Variants in KLRG1 observed in about 807,000 individuals in gnomAD.
KLRG1 encodes the protein killer cell lectin-like receptor subfamily G member 1.
In KLRG1, 16 loss-of-function variants were observed where a neutral mutation model predicts 21.8. The observed-to-expected ratio is 0.73, with a 90% CI of 0.50 to 1.11. The LOEUF (loss-of-function observed/expected upper bound fraction) is 1.11. KLRG1 is among the 50% of genes most tolerant of loss of function. The pLI, the probability that KLRG1 is intolerant of heterozygous loss-of-function variation, is 0.00. For synonymous variants in KLRG1, 69 were observed against 75.9 expected (o/e 0.91, Z 0.47); for missense variants, 173 against 218.3 (o/e 0.79, Z 1.31).
At chr12:9,120,764 A>G in the KLRG1 span, among the ~76,000 whole-genome samples, 4 of 152,128 alleles carry the variant, frequency 2.6e-5, no homozygotes, top group African/African-American at 9.7e-5. Context: ...TATCTTGGGC[A>G]AAATCTGCAG....
At chr12:9,019,467 TC>T in the KLRG1 span, among the ~76,000 whole-genome samples, 1 of 152,188 alleles carries the variant, frequency 6.6e-6, no homozygotes, top group Non-Finnish European at 1.5e-5. Context: ...ATATCTGCAC[TC>T]CCATGTTTAT....
At chr12:9,202,182 AAATCTGT>A in the KLRG1 span, 1 of 758,416 alleles carries the variant, frequency 1.3e-6, no homozygotes, top group Non-Finnish European at 2.2e-6. Context: ...ATAAGACTGC[AAATCTGT>A]GCTGAGGCTG....
At chr12:8,990,712 G>A (rs116309620) in intron 1 of KLRG1, among the ~76,000 whole-genome samples, 324 of 152,080 alleles carry the variant, frequency 2.1e-3, no homozygotes, top group African/African-American at 7.1e-3. Context: ...GTGATAAATT[G>A]GAACCTAGTT....
the KLRG1 span, among the ~76,000 whole-genome samples, chr12:9,018,433 A>G: frequency 1.5e-4 from 23 of 152,224 alleles, no homozygotes; most frequent in Non-Finnish European, 3.4e-4. Context: ...ACAGATACAT[A>G]GACCAATGGA....
the KLRG1 span, chr12:9,089,778 A>G: frequency 8.2e-6 from 6 of 735,662 alleles, no homozygotes; most frequent in Middle Eastern, 4.9e-4. Flanking sequence ...AACAGAAAGT[A>G]AATCAAGAGA....
the KLRG1 span, among the ~76,000 whole-genome samples, chr12:9,041,406 G>A: frequency 6.6e-6 from 1 of 152,208 alleles, no homozygotes; most frequent in Non-Finnish European, 1.5e-5. Flanking sequence ...AACTGCACCT[G>A]TTTGACATGC....
the KLRG1 span, chr12:9,167,305 A>G: frequency 2.0e-5 from 3 of 152,326 alleles, no homozygotes; most frequent in South Asian, 2.1e-4. Flanking sequence ...CATTTAGTGG[A>G]CCATGGCTAT....
the KLRG1 span, among the ~76,000 whole-genome samples, chr12:9,189,650 T>G: frequency 1.3e-5 from 2 of 152,170 alleles, no homozygotes; most frequent in Non-Finnish European, 2.9e-5. Context: ...TGGGATCTAA[T>G]TAACCTAAAG....
the KLRG1 span, among the ~76,000 whole-genome samples, chr12:9,130,287 T>G: frequency 6.6e-6 from 1 of 152,302 alleles, no homozygotes; most frequent in African/African-American, 2.4e-5. Context: ...CAAGACCATG[T>G]TTTCAATTCT....
chr12:9,002,910 TACACACACAC>T (rs59706974), intron 3 of KLRG1, among the ~76,000 whole-genome samples: 30 of 144,718 alleles, frequency 2.1e-4, no homozygotes, highest in East Asian at 1.4e-3. Context: ...CTCTTTCTAA[TACACACACAC>T]ACACACACAC....
chr12:9,081,165 A>G, the KLRG1 span, among the ~76,000 whole-genome samples: 2 of 152,240 alleles, frequency 1.3e-5, no homozygotes, highest in African/African-American at 2.4e-5. Flanking sequence ...CAACTGAGTC[A>G]GAAAAAAACT....
the KLRG1 span, among the ~76,000 whole-genome samples, chr12:9,143,063 T>C: frequency 3.4e-4 from 52 of 152,340 alleles, no homozygotes; most frequent in African/African-American, 1.2e-3. Flanking sequence ...ACTCATAGCT[T>C]GGACATCGAT....
At chr12:9,024,420 A>T in the KLRG1 span, among the ~76,000 whole-genome samples, 8 of 152,242 alleles carry the variant, frequency 5.3e-5, no homozygotes, top group Non-Finnish European at 2.9e-5. Flanking sequence ...TAGTAAGTCT[A>T]TAAGTAAGAA....
the KLRG1 span, among the ~76,000 whole-genome samples, chr12:9,105,589 A>T: frequency 6.6e-6 from 1 of 152,206 alleles, no homozygotes; most frequent in African/African-American, 2.4e-5. Context: ...AGAGTCATAA[A>T]GATCCATTTG....
chr12:8,959,977 T>C (rs938353674), intron 1 of KLRG1, among the ~76,000 whole-genome samples: 1 of 152,248 alleles, frequency 6.6e-6, no homozygotes, highest in Non-Finnish European at 1.5e-5. Flanking sequence ...GTTTAATATC[T>C]ATTTTCAGAC....
At chr12:9,091,358 C>G in the KLRG1 span, 1 of 1,614,078 alleles carries the variant, frequency 6.2e-7, no homozygotes. Context: ...TTCAGACAGG[C>G]AGAAGGCCCC....
the KLRG1 span, among the ~76,000 whole-genome samples, chr12:9,214,095 C>T: frequency 6.6e-6 from 1 of 151,814 alleles, no homozygotes; most frequent in African/African-American, 2.4e-5. Context: ...ATTATCCTTT[C>T]CCCATTAAAT....
the KLRG1 span, chr12:9,169,386 A>G: frequency 1.3e-6 from 2 of 1,491,944 alleles, no homozygotes; most frequent in Non-Finnish European, 1.8e-6. Flanking sequence ...ATTAACATTC[A>G]AAAACTCACA....
At chr12:8,952,130 T>C (rs1204995626) in intron 1 of KLRG1, among the ~76,000 whole-genome samples, 1 of 152,240 alleles carries the variant, frequency 6.6e-6, no homozygotes, top group Non-Finnish European at 1.5e-5. Flanking sequence ...AGCCTCATTA[T>C]TAACAAGCAC....
Sources: allele counts gnomAD v4.1 joint callset (sites outside exome capture counted in the v4.1 genomes callset), GRCh38; gene constraint gnomAD v4.1.1; transcripts MANE v1.5; gene names NCBI Gene and HGNC (gene_info 2026-07-23, HGNC 2026-07-21).